Variants in LSAMP observed in about 807,000 individuals in gnomAD.
LSAMP encodes the protein limbic system associated membrane protein, also known as limbic system-associated membrane protein.
LSAMP carries 7 observed loss-of-function variants against 38.6 expected under a neutral mutation model. The ratio of observed to expected loss-of-function variants is 0.18; its 90% CI spans 0.10 to 0.34. LSAMP has a LOEUF of 0.34. Ranked by LOEUF, LSAMP falls within the 10% of genes least tolerant of loss-of-function variation. LSAMP has a pLI of 1.00. For synonymous variants in LSAMP, 154 were observed against 166.8 expected, an observed-to-expected ratio of 0.92 and a Z score of 0.59; for missense variants, 313 against 420.0, an observed-to-expected ratio of 0.75 and a Z score of 2.23.
chr3:115,842,627 G>T, intron 4 of LSAMP, 49 bp from the exon 5 acceptor site: 1 of 1,604,162 alleles, frequency 6.2e-7, no homozygotes, highest in Non-Finnish European at 8.5e-7. Context: ...GGGGTGCTTA[G>T]AATTTCTATT....
intron 3 of LSAMP, among the ~76,000 whole-genome samples, chr3:116,012,756 C>T (rs1294461657): frequency 6.6e-6 from 1 of 151,728 alleles, no homozygotes; most frequent in Non-Finnish European, 1.5e-5. Flanking sequence ...TTAATCTCAC[C>T]CAAAATGATC....
At chr3:116,431,364 A>C (rs1341394569) in intron 1 of LSAMP, among the ~76,000 whole-genome samples, 6 of 152,138 alleles carry the variant, frequency 3.9e-5, no homozygotes, top group Admixed American at 6.5e-5. Flanking sequence ...TTGCCACGCT[A>C]TACTTTGTTC....
chr3:116,231,272 A>G (rs537977752), intron 1 of LSAMP, among the ~76,000 whole-genome samples: 1 of 152,196 alleles, frequency 6.6e-6, no homozygotes, highest in Non-Finnish European at 1.5e-5. Context: ...CACAGTTCTC[A>G]CATATTCAAT....
chr3:115,949,132 G>A (rs2107573972), intron 3 of LSAMP, among the ~76,000 whole-genome samples: 1 of 152,286 alleles, frequency 6.6e-6, no homozygotes, highest in East Asian at 1.9e-4. Context: ...GGTGGTGCAT[G>A]CCTGTAATCC....
intron 1 of LSAMP, among the ~76,000 whole-genome samples, chr3:116,263,263 T>C (rs892742422): frequency 7.2e-5 from 11 of 152,008 alleles, no homozygotes; most frequent in Non-Finnish European, 1.6e-4. Flanking sequence ...TGGGGCTGGG[T>C]GCGGTGGCTC....
chr3:115,840,286 T>G (rs376141347), intron 6 of LSAMP, among the ~76,000 whole-genome samples: 6 of 152,338 alleles, frequency 3.9e-5, no homozygotes, highest in African/African-American at 1.2e-4. Flanking sequence ...AATGTTGTTC[T>G]GCTTAACCAG....
chr3:116,067,631 G>A (rs1255643387), intron 2 of LSAMP, among the ~76,000 whole-genome samples: 2 of 152,134 alleles, frequency 1.3e-5, no homozygotes, highest in Non-Finnish European at 2.9e-5. Context: ...TTGGCCGGGC[G>A]GCATTCTTGA....
intron 1 of LSAMP, among the ~76,000 whole-genome samples, chr3:116,334,370 A>G (rs2047892400): frequency 6.6e-6 from 1 of 152,158 alleles, no homozygotes; most frequent in African/African-American, 2.4e-5. Context: ...CAAAGAGGAC[A>G]GAACACCCCA....
rs75725794 is a variant in LSAMP at position 116,003,390 on chromosome 3, A to T, written c.514+16125T>A. ...GACAATAAAGGCAAGATCTAATTAC[A>T]TTTGATTTCAATATTGCAAGAGTTG... On this transcript the variant is annotated intron_variant, in intron 3 of 6. Coordinates refer to ENST00000490035, the MANE Select transcript of LSAMP (RefSeq NM_002338.5). Among the ~76,000 whole-genome samples the T allele has an allele frequency of 3.8e-3, 579 of 152,318 alleles. 10 individuals carry two copies. Among genetic ancestry groups the T allele is most frequent in the East Asian group, 0.025 (127 of 5,182 alleles).
At chr3:116,290,734 AAATAATAATAATAATAAT>A (rs201227569) in intron 1 of LSAMP, among the ~76,000 whole-genome samples, 6 of 140,504 alleles carry the variant, frequency 4.3e-5, no homozygotes, top group African/African-American at 1.0e-4. Context: ...TGTCTCACAA[AAATAATAATAATAATAAT>A]AATAATAATA....
intron 1 of LSAMP, among the ~76,000 whole-genome samples, chr3:116,141,995 G>A (rs1397115313): frequency 6.6e-6 from 1 of 151,940 alleles, no homozygotes; most frequent in Non-Finnish European, 1.5e-5. Flanking sequence ...GGGGATCTGG[G>A]CAGTGCACTA....
chr3:115,812,369 T>C (rs1167905010), intron 6 of LSAMP, among the ~76,000 whole-genome samples: 1 of 152,184 alleles, frequency 6.6e-6, no homozygotes. Flanking sequence ...TAAGGTTCAA[T>C]GAGATTCTGT....
intron 1 of LSAMP, among the ~76,000 whole-genome samples, chr3:116,245,249 G>C (rs901359528): frequency 2.0e-5 from 3 of 152,178 alleles, no homozygotes; most frequent in Non-Finnish European, 4.4e-5. Flanking sequence ...CATGGCCCCA[G>C]AAGTTGTCAA....
intron 3 of LSAMP, among the ~76,000 whole-genome samples, chr3:115,968,568 TTG>T (rs2107606827): frequency 1.3e-5 from 2 of 152,204 alleles, no homozygotes; most frequent in East Asian, 3.9e-4. Context: ...GATACCCAAG[TTG>T]CAAGACAAAG....
At chr3:116,016,980 G>A (rs75213424) in intron 3 of LSAMP, among the ~76,000 whole-genome samples, 3,262 of 152,114 alleles carry the variant, frequency 0.021, 89 homozygotes, top group African/African-American at 0.062. Flanking sequence ...TGAAGCCTCC[G>A]GGGTCCTCTG....
At chr3:116,237,236 T>C (rs757281242) in intron 1 of LSAMP, among the ~76,000 whole-genome samples, 19 of 152,192 alleles carry the variant, frequency 1.2e-4, no homozygotes, top group Non-Finnish European at 2.6e-4. Flanking sequence ...TCAGTATTAG[T>C]AACAATACAT....
chr3:116,095,991 T>G (rs1708218184), intron 1 of LSAMP, among the ~76,000 whole-genome samples: 1 of 152,202 alleles, frequency 6.6e-6, no homozygotes, highest in South Asian at 2.1e-4. Context: ...ACATACTTGC[T>G]CTGTGGTTTT....
intron 3 of LSAMP, among the ~76,000 whole-genome samples, chr3:116,016,979 C>T (rs769623035): frequency 2.0e-5 from 3 of 152,066 alleles, no homozygotes; most frequent in Non-Finnish European, 2.9e-5. Context: ...TTGAAGCCTC[C>T]GGGGTCCTCT....
At chr3:116,224,851 A>G (rs1312967726) in intron 1 of LSAMP, among the ~76,000 whole-genome samples, 2 of 152,230 alleles carry the variant, frequency 1.3e-5, no homozygotes, top group Non-Finnish European at 2.9e-5. Flanking sequence ...ATGACTCTCT[A>G]TTTTGGTCAC....
Sources: allele counts gnomAD v4.1 joint callset (sites outside exome capture counted in the v4.1 genomes callset), GRCh38; gene constraint gnomAD v4.1.1; transcripts MANE v1.5; gene names NCBI Gene and HGNC (gene_info 2026-07-23, HGNC 2026-07-21).